The following CHRM3 variants were observed in gnomAD, a reference collection of about 807,000 sequenced individuals.
The protein encoded by CHRM3 is cholinergic receptor muscarinic 3.
CHRM3 carries 11 observed loss-of-function variants against 41.8 expected under a neutral mutation model. The ratio of observed to expected loss-of-function variants is 0.26; its 90% CI spans 0.17 to 0.44. The LOEUF (loss-of-function observed/expected upper bound fraction) is 0.44, where lower values mean the gene tolerates loss of function less well. Ranked by LOEUF, CHRM3 falls within the 20% of genes least tolerant of loss-of-function variation. The pLI, the probability that CHRM3 is intolerant of heterozygous loss-of-function variation, is 1.00. For synonymous variants in CHRM3, 297 were observed against 301.4 expected (o/e 0.99, Z 0.15); for missense variants, 571 against 745.4 (o/e 0.77, Z 2.72).
chr1:239,529,993 G>C (rs1670281776), intron 2 of CHRM3, among the ~76,000 whole-genome samples: 1 of 152,000 alleles, frequency 6.6e-6, no homozygotes, highest in Non-Finnish European at 1.5e-5. Context: ...CGCCTCCCAG[G>C]TTCACGCCAT....
intron 1 of CHRM3, among the ~76,000 whole-genome samples, chr1:239,427,552 C>G (rs61485588): frequency 0.052 from 7,931 of 152,006 alleles, 664 homozygotes; most frequent in African/African-American, 0.18. Flanking sequence ...TTTCTTCCCC[C>G]AGTTGGCCAA....
intron 2 of CHRM3, among the ~76,000 whole-genome samples, chr1:239,527,265 G>T (rs747695482): frequency 6.6e-6 from 1 of 152,098 alleles, no homozygotes; most frequent in Non-Finnish European, 1.5e-5. Flanking sequence ...AATGTTTATT[G>T]GCCAAGGTTC....
At chr1:239,584,862 A>C (rs1257087240) in intron 3 of CHRM3, among the ~76,000 whole-genome samples, 1 of 152,122 alleles carries the variant, frequency 6.6e-6, no homozygotes, top group Admixed American at 6.6e-5. Context: ...GAGCACACAT[A>C]AACTGTAGTT....
intron 1 of CHRM3, among the ~76,000 whole-genome samples, chr1:239,463,543 A>G (rs967642253): frequency 1.3e-5 from 2 of 152,152 alleles, no homozygotes; most frequent in African/African-American, 4.8e-5. Flanking sequence ...TTTTAATGAC[A>G]TTTTATTTTT....
In CHRM3 at chr1:239,404,408, GAAAAAGAAAGAAAGAA is replaced by G. The variant is rs1558195693; in HGVS notation, c.-521+17183_-521+17198del. 5.1e-3 allele frequency among the ~76,000 whole-genome samples: 197 copies of G among 38,810 alleles called. 7 individuals are homozygous for G. Among genetic ancestry groups the G allele is most frequent in the East Asian group, 0.034 (52 of 1,532 alleles). 25.5% of individuals were successfully genotyped at this position (38,810 alleles called of 152,430 possible). A position where few individuals can be genotyped will look rare whatever the true frequency, so the allele number is the denominator to read the frequency against. On this transcript the variant is annotated intron_variant, in intron 1 of 6. Coordinates refer to ENST00000676153, the MANE Select transcript of CHRM3 (RefSeq NM_001375978.1). ...AGAAAGAAAGAAAGAAAGAAAGAAA[GAAAAAGAAAGAAAGAA>G]AGAAAGAAAGAAAGAAAGAAAGAAA... is the stretch of plus-strand genomic sequence containing the variant.
chr1:239,855,238 T>G (rs368901396), intron 6 of CHRM3, among the ~76,000 whole-genome samples: 5 of 152,110 alleles, frequency 3.3e-5, no homozygotes, highest in Non-Finnish European at 7.4e-5. Context: ...AATCACAAAG[T>G]CATCATGCAT....
At chr1:239,519,005 T>C (rs1669452788) in intron 2 of CHRM3, among the ~76,000 whole-genome samples, 1 of 152,198 alleles carries the variant, frequency 6.6e-6, no homozygotes, top group Non-Finnish European at 1.5e-5. Context: ...AGCATTTCAC[T>C]TCCTCTTTCC....
intron 5 of CHRM3, among the ~76,000 whole-genome samples, chr1:239,690,411 T>C (rs1394752561): frequency 6.6e-6 from 1 of 151,830 alleles, no homozygotes; most frequent in Non-Finnish European, 1.5e-5. Context: ...TTTAGTTTTT[T>C]AGTAGAGACG....
In CHRM3 at chr1:239,537,328, C is replaced by T. The variant is rs189713984; in HGVS notation, c.-421-8313C>T. Among the ~76,000 whole-genome samples, 225 of 152,224 alleles carry T rather than the reference C, an allele frequency of 1.5e-3. 1 individual carries two copies. Among genetic ancestry groups the T allele is most frequent in the South Asian group, 2.3e-3 (11 of 4,820 alleles). On this transcript the variant is annotated intron_variant, in intron 2 of 6. Coordinates refer to ENST00000676153, the MANE Select transcript of CHRM3 (RefSeq NM_001375978.1). ...ACAGGAAGGATAGCACTGGCATCTG[C>T]TTGACTTCTGGGGAAGCGTCAGGGA...
chr1:239,810,490 AG>A (rs1671033972), intron 5 of CHRM3, among the ~76,000 whole-genome samples: 1 of 152,150 alleles, frequency 6.6e-6, no homozygotes, highest in South Asian at 2.1e-4. Context: ...AAGATCATTG[AG>A]GGGAACAAGC....
At chr1:239,491,388 T>C (rs1453161152) in intron 1 of CHRM3, among the ~76,000 whole-genome samples, 5 of 152,330 alleles carry the variant, frequency 3.3e-5, no homozygotes, top group East Asian at 3.9e-4. Context: ...TTCTATTCTA[T>C]AGGTCTAAGA....
chr1:239,777,072 C>A (rs1668149285), intron 5 of CHRM3, among the ~76,000 whole-genome samples: 1 of 152,162 alleles, frequency 6.6e-6, no homozygotes, highest in African/African-American at 2.4e-5. Flanking sequence ...CATGAGCTAA[C>A]ACAATAATCC....
intron 1 of CHRM3, among the ~76,000 whole-genome samples, chr1:239,414,777 G>C (rs1661367566): frequency 6.6e-6 from 1 of 152,196 alleles, no homozygotes; most frequent in Admixed American, 6.5e-5. Context: ...TGAGTAGTGA[G>C]ATTCTAGTTT....
At chr1:239,881,079 C>A (rs556439714) in intron 6 of CHRM3, among the ~76,000 whole-genome samples, 1 of 151,798 alleles carries the variant, frequency 6.6e-6, no homozygotes, top group African/African-American at 2.4e-5. Flanking sequence ...GTCAGGAGAT[C>A]GAGACCATCC....
chr1:239,504,241 A>G (rs116670883), intron 2 of CHRM3, among the ~76,000 whole-genome samples: 1,851 of 152,178 alleles, frequency 0.012, 36 homozygotes, highest in African/African-American at 0.042. Flanking sequence ...ACAATCCCAT[A>G]AAAAAGGGGG....
At chr1:239,769,163 C>T (rs1667460853) in intron 5 of CHRM3, among the ~76,000 whole-genome samples, 1 of 152,044 alleles carries the variant, frequency 6.6e-6, no homozygotes, top group African/African-American at 2.4e-5. Flanking sequence ...GGGAAAGTGG[C>T]AGGGATATTG....
intron 1 of CHRM3, among the ~76,000 whole-genome samples, chr1:239,462,704 G>A (rs1665447511): frequency 6.6e-6 from 1 of 152,190 alleles, no homozygotes; most frequent in Non-Finnish European, 1.5e-5. Context: ...TGTACATACA[G>A]CATGTTTGAA....
At chr1:239,470,692 T>A (rs1033059131) in intron 1 of CHRM3, among the ~76,000 whole-genome samples, 1 of 152,230 alleles carries the variant, frequency 6.6e-6, no homozygotes. Flanking sequence ...ACTGGCCACA[T>A]CTGTCTAGCC....
chr1:239,649,631 A>G (rs537326007), intron 4 of CHRM3, among the ~76,000 whole-genome samples: 29 of 152,266 alleles, frequency 1.9e-4, no homozygotes, highest in African/African-American at 7.0e-4. Flanking sequence ...GCTAGGAGAT[A>G]TCAAAGCCTG....
Sources: allele counts gnomAD v4.1 joint callset (sites outside exome capture counted in the v4.1 genomes callset), GRCh38; gene constraint gnomAD v4.1.1; transcripts MANE v1.5; gene names NCBI Gene and HGNC (gene_info 2026-07-23, HGNC 2026-07-21).